The following NINL variants were observed in gnomAD, a reference collection of about 807,000 sequenced individuals.
NINL encodes ninein-like protein.
Under a neutral mutation model 160.3 loss-of-function variants are expected in NINL, and 153 were observed. That is an observed-to-expected ratio of 0.95 (90% CI 0.84 to 1.09). The LOEUF (loss-of-function observed/expected upper bound fraction) is 1.09. Ranked by LOEUF, NINL falls within the 50% of genes least tolerant of loss-of-function variation. NINL has a pLI of 0.00. For missense variants in NINL, 1,829 were observed against 1,764.0 expected (o/e 1.04, Z -0.66); for synonymous variants, 800 against 734.8 (o/e 1.09, Z -1.43).
rs117782843 is a variant in NINL, at chr20:25,563,600, T to C, written c.-12+21855A>G. Among the ~76,000 whole-genome samples, 22 of 152,350 alleles carry C rather than the reference T, an allele frequency of 1.4e-4. No individual in the cohort carries two copies. In the East Asian group the frequency reaches 4.2e-3, roughly 29 times the overall value. ...AAACACACCAATTAAAGAGAAGGACTATCAGACTGAATGTTCTTTAAAACA... is the reference window on the plus strand; with the variant it reads ...AAACACACCAATTAAAGAGAAGGACCATCAGACTGAATGTTCTTTAAAACA... On this transcript the variant is annotated intron_variant, in intron 1 of 23. Transcript: ENST00000278886.
intron 13 of NINL, among the ~76,000 whole-genome samples, chr20:25,487,861 G>A (rs773354058): frequency 5.6e-4 from 86 of 152,352 alleles, no homozygotes; most frequent in Non-Finnish European, 9.6e-4. Context: ...CCATCAGCTC[G>A]TCTGCAAGGC....
At chr20:25,523,802 C>T (rs1419650659) in intron 2 of NINL, among the ~76,000 whole-genome samples, 1 of 151,684 alleles carries the variant, frequency 6.6e-6, no homozygotes, top group Admixed American at 6.6e-5. Flanking sequence ...GCCACCACGC[C>T]GGCTAATTTT....
Position 25,500,883 on chromosome 20 carries a change from A to G in NINL, c.989T>C (p.Met330Thr), listed in dbSNP as rs1480859632. The G allele has an allele frequency of 6.2e-7, 1 of 1,613,976 alleles. No individual in the cohort carries two copies. The highest frequency in any genetic ancestry group is 8.5e-7 in the Non-Finnish European group (1 of 1,180,014). ...GFAFPDQVLA[M>T]WTQEGIQNGR... The stretch of plus-strand genomic sequence containing the variant: ...ATTCTGAATCCCCTCCTGGGTCCAC[A>G]TGGCCAGGACCTGATCAGGAAAAGC... Residue 330 changes from methionine to threonine, a missense_variant, in exon 8 of 24, where the codon ATG (methionine) becomes ACG (threonine). Met to Thr is a moderately conservative substitution (Grantham distance 81). Transcript: ENST00000278886.
At position 25,467,433 on chromosome 20, in the gene NINL, CT is replaced by C; in HGVS notation, c.3378del (p.Asp1127ThrfsTer49). The C allele has an allele frequency of 6.2e-7, 1 of 1,614,098 alleles. No homozygotes were observed. Among genetic ancestry groups the C allele is most frequent in the Non-Finnish European group, 8.5e-7 (1 of 1,179,944 alleles). ...AQRKEIEVLK[K>X]DKEKACSEME... ...ATCTCAGAGCAGGCCTTTTCCTTGT[CT>C]TTCTTTAAAACCTCAATTTCCTTCC... On this transcript the variant is annotated frameshift_variant, in exon 19 of 24. Transcript: ENST00000278886. LOFTEE classifies it high-confidence loss of function.
intron 1 of NINL, among the ~76,000 whole-genome samples, chr20:25,554,481 T>A (rs1005592819): frequency 2.6e-5 from 4 of 152,006 alleles, no homozygotes; most frequent in African/African-American, 9.7e-5. Flanking sequence ...AGGATCACAA[T>A]TTATACAAAA....
At chr20:25,510,626 A>T in intron 5 of NINL, 48 bp downstream of exon 5, 1 of 1,548,376 alleles carries the variant, frequency 6.5e-7, no homozygotes, top group Non-Finnish European at 8.9e-7. Context: ...CAGCTTTCAA[A>T]GCTCTGGGCA....
chr20:25,498,046 G>C (rs1369849652), intron 9 of NINL, among the ~76,000 whole-genome samples, 164 bp downstream of exon 9: 1 of 152,244 alleles, frequency 6.6e-6, no homozygotes, highest in African/African-American at 2.4e-5. Flanking sequence ...GCGCCGGCTT[G>C]AGGGGCCAGA....
chr20:25,513,620 T>G (rs944307010), intron 3 of NINL, among the ~76,000 whole-genome samples: 1 of 152,228 alleles, frequency 6.6e-6, no homozygotes, highest in Non-Finnish European at 1.5e-5. Context: ...AAATCTCATG[T>G]CAAATTGTAA....
intron 1 of NINL, among the ~76,000 whole-genome samples, chr20:25,530,537 G>A (rs987437797): frequency 3.9e-5 from 6 of 151,998 alleles, no homozygotes; most frequent in South Asian, 2.1e-4. Context: ...CAGATATTGG[G>A]CAAAATTCAC....
At chr20:25,519,465 T>G (rs561560577) in intron 2 of NINL, among the ~76,000 whole-genome samples, 10 of 152,256 alleles carry the variant, frequency 6.6e-5, no homozygotes, top group Admixed American at 6.5e-4. Context: ...TTTGTTTTTC[T>G]TGAATATGCC....
intron 1 of NINL, among the ~76,000 whole-genome samples, chr20:25,538,331 C>T (rs1283768344): frequency 6.6e-6 from 1 of 152,182 alleles, no homozygotes; most frequent in Non-Finnish European, 1.5e-5. Flanking sequence ...AGGCCTTGCT[C>T]CTGGGCAGTG....
At chr20:25,581,723 A>AAC (rs1320288412) in intron 1 of NINL, among the ~76,000 whole-genome samples, 1 of 152,186 alleles carries the variant, frequency 6.6e-6, no homozygotes, top group East Asian at 1.9e-4. Context: ...AAGGAACTTG[A>AAC]ACTCACTGTA....
At chr20:25,528,091 A>G (rs540165580) in intron 1 of NINL, among the ~76,000 whole-genome samples, 2 of 152,298 alleles carry the variant, frequency 1.3e-5, no homozygotes, top group Admixed American at 1.3e-4. Context: ...GTGCAGTGGC[A>G]CAATCATAGC....
chr20:25,467,105 T>C (rs2062932729), intron 19 of NINL, among the ~76,000 whole-genome samples: 1 of 152,146 alleles, frequency 6.6e-6, no homozygotes, highest in African/African-American at 2.4e-5. Context: ...AGTTTCTAGA[T>C]CAAAACACCA....
At chr20:25,549,062 CCGG>C (rs2064775475) in intron 1 of NINL, among the ~76,000 whole-genome samples, 1 of 139,370 alleles carries the variant, frequency 7.2e-6, no homozygotes, top group Admixed American at 7.0e-5. Context: ...AGGCCTGACC[CCGG>C]CACCCACGGC....
chr20:25,511,479 G>A (rs974871899), intron 4 of NINL, among the ~76,000 whole-genome samples: 1 of 152,210 alleles, frequency 6.6e-6, no homozygotes, highest in Non-Finnish European at 1.5e-5. Flanking sequence ...ATGGATGCCT[G>A]GTGACCAAGA....
intron 9 of NINL, among the ~76,000 whole-genome samples, chr20:25,497,373 G>A (rs1296036890): frequency 1.1e-4 from 17 of 152,210 alleles, no homozygotes; most frequent in Admixed American, 1.0e-3. Context: ...GTTTCCCCAC[G>A]AAAGGAGCTT....
At chr20:25,468,390 TC>T (rs2062971897) in intron 18 of NINL, among the ~76,000 whole-genome samples, 1 of 140,986 alleles carries the variant, frequency 7.1e-6, no homozygotes, top group African/African-American at 2.7e-5. Context: ...CCCTGCTCTG[TC>T]CCCCGACTCT....
intron 1 of NINL, among the ~76,000 whole-genome samples, chr20:25,554,414 G>A (rs1028856496): frequency 1.3e-5 from 2 of 152,120 alleles, no homozygotes; most frequent in African/African-American, 4.8e-5. Context: ...ATGGGCTCAT[G>A]GAAGAGAACA....
Sources: gnomAD v4.1 joint callset for allele counts (sites outside exome capture counted in the v4.1 genomes callset) on GRCh38, gnomAD v4.1.1 for gene constraint, MANE v1.5 for transcripts, NCBI Gene and HGNC (gene_info 2026-07-23, HGNC 2026-07-21) for gene names.